ANXA2: variants seen among roughly 807,000 people sequenced by gnomAD.
The protein encoded by ANXA2 is annexin II.
A neutral mutation model predicts 47.3 loss-of-function variants in ANXA2; 28 were observed. The observed-to-expected ratio is 0.59, with a 90% CI of 0.44 to 0.81. The LOEUF is 0.81. Among genes scored for constraint, ANXA2 ranks in the 40% least tolerant of loss-of-function variants. The pLI, the probability that ANXA2 is intolerant of heterozygous loss-of-function variation, is 0.00. For synonymous variants in ANXA2, 172 were observed against 155.5 expected (o/e 1.11, Z -0.79); for missense variants, 384 against 414.3 (o/e 0.93, Z 0.64).
intron 3 of ANXA2, among the ~76,000 whole-genome samples, chr15:60,375,873 C>A (rs548897583): frequency 6.6e-6 from 1 of 152,264 alleles, no homozygotes; most frequent in East Asian, 1.9e-4. Context: ...GCTGGTTCTG[C>A]CTTCTCAGAG....
chr15:60,394,903 G>T lies in ANXA2; in HGVS notation c.-12+3040C>A, dbSNP rs144175837. On this transcript the variant is annotated intron_variant, in intron 1 of 12. Coordinates refer to ENST00000451270, the MANE Select transcript of ANXA2 (RefSeq NM_004039.3). ...ATACCAGGCAGTGAATGGGTGGAAA[G>T]AATTTTTTTGAAGGACTGGAATTTC... Among the ~76,000 whole-genome samples the T allele has an allele frequency of 9.5e-3, 1,451 of 152,270 alleles. 25 individuals carry two copies. Among genetic ancestry groups the T allele is most frequent in the African/African-American group, 0.032 (1,314 of 41,556 alleles).
In ANXA2 at chr15:60,355,928, G is replaced by A. The variant is rs1386172096; in HGVS notation, c.519C>T (p.Ala173=). 3 of 1,613,910 alleles carry A rather than the reference G, an allele frequency of 1.9e-6. No homozygotes were observed. The highest frequency in any genetic ancestry group is 2.5e-6 in the Non-Finnish European group (3 of 1,179,788). ...AAACTGGGAAACCAACCTTTGCCAG[G>A]GCAACCATCAGCTTGCGGAAGTCAC... ...TSGDFRKLMV[A]LAKGRRAEDG... Residue 173 remains alanine, a synonymous_variant, in exon 7 of 13, where the codon GCC becomes GCT. Coordinates refer to ENST00000451270, the MANE Select transcript of ANXA2 (RefSeq NM_004039.3).
intron 5 of ANXA2, among the ~76,000 whole-genome samples, chr15:60,360,609 T>C (rs984944966): frequency 3.9e-5 from 6 of 152,318 alleles, no homozygotes; most frequent in African/African-American, 1.4e-4. Flanking sequence ...ATGAGTTTTT[T>C]TTTCTTGCCT....
chr15:60,397,751 C>G, intron 1 of ANXA2, 192 bp downstream of exon 1: 6 of 907,742 alleles, frequency 6.6e-6, no homozygotes, highest in Non-Finnish European at 5.9e-6. Flanking sequence ...TCACCCCTGC[C>G]CCAAACACCT....
chr15:60,380,493 CAAAAAAA>C (rs538754910), intron 3 of ANXA2, among the ~76,000 whole-genome samples: 7 of 90,122 alleles, frequency 7.8e-5, no homozygotes, highest in African/African-American at 2.7e-4. Context: ...TTAAATGCAC[CAAAAAAA>C]AAAAAAAAAG....
intron 1 of ANXA2, 21 bp downstream of exon 1, chr15:60,397,922 G>A (rs370732061): frequency 3.8e-6 from 5 of 1,329,098 alleles, no homozygotes; most frequent in Non-Finnish European, 4.8e-6. Context: ...ATCGCGGGCG[G>A]GCAGGGCGCG....
At chr15:60,356,268 G>A (rs540083137) in intron 6 of ANXA2, among the ~76,000 whole-genome samples, 97 of 152,238 alleles carry the variant, frequency 6.4e-4, no homozygotes, top group African/African-American at 2.2e-3. Flanking sequence ...GTGACCTCTC[G>A]TGTAGTTTAA....
chr15:60,371,411 A>T (rs1359774583), intron 3 of ANXA2, among the ~76,000 whole-genome samples: 1 of 152,236 alleles, frequency 6.6e-6, no homozygotes, highest in East Asian at 1.9e-4. Context: ...GGCTGGATCC[A>T]AAACCACAAA....
intron 3 of ANXA2, among the ~76,000 whole-genome samples, chr15:60,368,546 C>T (rs2062669412): frequency 6.7e-6 from 1 of 149,314 alleles, no homozygotes; most frequent in Admixed American, 6.7e-5. Flanking sequence ...AAAATATCCA[C>T]AATAAAGGTA....
At chr15:60,390,926 G>T (rs1168408772) in intron 1 of ANXA2, 1 of 152,920 alleles carries the variant, frequency 6.5e-6, no homozygotes, top group Non-Finnish European at 1.5e-5. Context: ...GTGTCAGTGT[G>T]CTGCTATCCT....
At chr15:60,382,500 T>A (rs1169440148) in intron 2 of ANXA2, 59 bp from the exon 3 acceptor site, 2 of 1,175,626 alleles carry the variant, frequency 1.7e-6, no homozygotes, top group Admixed American at 3.7e-5. Context: ...CTTGTTGAAA[T>A]AACAATGCCT....
Position 60,368,707 on chromosome 15 carries a change from T to C in ANXA2, c.149-4184A>G, listed in dbSNP as rs142963849. On this transcript the variant is annotated intron_variant, in intron 3 of 12. Coordinates refer to ENST00000451270, the MANE Select transcript of ANXA2 (RefSeq NM_004039.3). Reference sequence around the variant, plus strand: ...ATGTGAGTGATGGGATTATGTATAATCTTTCTTTTGATTATCTGTACTTTC... The same window carrying C: ...ATGTGAGTGATGGGATTATGTATAACCTTTCTTTTGATTATCTGTACTTTC... Among the ~76,000 whole-genome samples, 25 of 152,318 alleles carry C rather than the reference T, an allele frequency of 1.6e-4. No homozygotes were observed. In the East Asian group the frequency reaches 3.5e-3, roughly 21 times the overall value.
At chr15:60,391,017 C>A (rs140542985) in intron 1 of ANXA2, 1 of 152,598 alleles carries the variant, frequency 6.6e-6, no homozygotes, top group Non-Finnish European at 1.5e-5. Context: ...ATCAACGAAC[C>A]CATACCAAGC....
chr15:60,365,163 T>C (rs1283501861), intron 3 of ANXA2, among the ~76,000 whole-genome samples: 1 of 151,644 alleles, frequency 6.6e-6, no homozygotes, highest in Non-Finnish European at 1.5e-5. Context: ...GCAATTTTAA[T>C]AATTAATTTT....
chr15:60,356,835 A>G (rs143411294), intron 6 of ANXA2, among the ~76,000 whole-genome samples: 1 of 152,310 alleles, frequency 6.6e-6, no homozygotes, highest in East Asian at 1.9e-4. Flanking sequence ...AGTGGAATCC[A>G]TATATAATAC....
At chr15:60,376,735 C>T (rs778636546) in intron 3 of ANXA2, among the ~76,000 whole-genome samples, 6 of 152,158 alleles carry the variant, frequency 3.9e-5, no homozygotes, top group South Asian at 2.1e-4. Flanking sequence ...CATGCCCTGG[C>T]CATGGCAAGC....
chr15:60,349,798 A>C (rs574115101), intron 11 of ANXA2, among the ~76,000 whole-genome samples: 72 of 140,976 alleles, frequency 5.1e-4, no homozygotes, highest in Non-Finnish European at 4.3e-4. Context: ...GAAAGAGAGA[A>C]GAAAGGGAAA....
chr15:60,385,995 A>C (rs1287329174), intron 2 of ANXA2, 33 bp downstream of exon 2: 6 of 1,560,646 alleles, frequency 3.8e-6, no homozygotes, highest in Non-Finnish European at 5.3e-6. Context: ...TCCAACTTGC[A>C]AAAATTATAT....
intron 1 of ANXA2, among the ~76,000 whole-genome samples, chr15:60,388,518 TATTACA>T (rs367739703): frequency 2.0e-5 from 3 of 152,108 alleles, no homozygotes; most frequent in Non-Finnish European, 4.4e-5. Flanking sequence ...ATTGATCATA[TATTACA>T]ATTACAACTA....
Sources: allele counts gnomAD v4.1 joint callset (sites outside exome capture counted in the v4.1 genomes callset), GRCh38; gene constraint gnomAD v4.1.1; transcripts MANE v1.5; gene names NCBI Gene and HGNC (gene_info 2026-07-23, HGNC 2026-07-21).